ZNF507: variants seen among roughly 807,000 people sequenced by gnomAD.
ZNF507 encodes zinc finger protein 507.
A neutral mutation model predicts 80.0 loss-of-function variants in ZNF507; 29 were observed. The observed-to-expected ratio is 0.36, with a 90% CI of 0.27 to 0.49. The LOEUF is 0.49. Among genes scored for constraint, ZNF507 ranks in the 20% least tolerant of loss-of-function variants. The pLI is 0.98. For synonymous variants in ZNF507, 462 were observed against 422.5 expected (o/e 1.09, Z -1.15); for missense variants, 1,081 against 1,152.2 (o/e 0.94, Z 0.90).
intron 3 of ZNF507, among the ~76,000 whole-genome samples, chr19:32,355,551 G>A (rs1695428938): frequency 6.6e-6 from 1 of 152,170 alleles, no homozygotes; most frequent in South Asian, 2.1e-4. Flanking sequence ...TATCTTAAGT[G>A]CTGACCTTAT....
intron 5 of ZNF507, among the ~76,000 whole-genome samples, chr19:32,365,488 A>C (rs920956777): frequency 1.3e-5 from 2 of 152,144 alleles, no homozygotes; most frequent in Non-Finnish European, 2.9e-5. Flanking sequence ...TAAGTCCTTA[A>C]TCCATCTTGA....
At chr19:32,369,776 T>TA (rs1389866146) in intron 5 of ZNF507, among the ~76,000 whole-genome samples, 6 of 152,310 alleles carry the variant, frequency 3.9e-5, no homozygotes, top group African/African-American at 4.8e-5. Flanking sequence ...CAAAAGCAGT[T>TA]AAAATCTACT....
At chr19:32,382,383 TATA>T (rs1967634565) in intron 5 of ZNF507, 81 bp from the exon 6 acceptor site, 5 of 1,525,892 alleles carry the variant, frequency 3.3e-6, no homozygotes, top group East Asian at 4.5e-5. Context: ...GAGGAAGGGC[TATA>T]ATAATTGTTA....
In ZNF507 at chr19:32,386,090, CG is replaced by C. The variant is rs1481037484; in HGVS notation, c.*3010del. ...CTTTCTCTAATCATCCAGAATATGG[CG>C]GGTGTCCCAGTGTTCAACAGTATCA... On this transcript the variant is annotated 3_prime_UTR_variant, in exon 7 of 7. Coordinates refer to ENST00000355898, the MANE Select transcript of ZNF507 (RefSeq NM_001136156.2). 6.6e-6 allele frequency: 1 copy of C among 152,124 alleles called. No homozygotes were observed. The highest frequency in any genetic ancestry group is 2.4e-5 in the African/African-American group (1 of 41,430). 9.4% of individuals were successfully genotyped at this position (152,124 alleles called of 1,614,324 possible).
Position 32,386,395 on chromosome 19 carries a change from A to T in ZNF507, c.*3312A>T, listed in dbSNP as rs1364487108. The T allele has an allele frequency of 6.6e-6, 1 of 152,632 alleles. No individual in the cohort carries two copies. The highest frequency in any genetic ancestry group is 1.5e-5 in the Non-Finnish European group (1 of 68,038). The allele number at this position is 152,632 out of a possible 1,614,324, so 9.5% of individuals were successfully genotyped here. ...ATAGACACTTATTTAATCTTTTTAA[A>T]TTGTACAGCAAGGTGCTCTAAGTAA... is the stretch of plus-strand genomic sequence containing the variant. On this transcript the variant is annotated 3_prime_UTR_variant, in exon 7 of 7. Coordinates refer to ENST00000355898, the MANE Select transcript of ZNF507 (RefSeq NM_001136156.2).
At chr19:32,357,244 T>C (rs1967265410) in intron 4 of ZNF507, 1 of 151,650 alleles carries the variant, frequency 6.6e-6, no homozygotes, top group Non-Finnish European at 1.5e-5. Context: ...TATGTACTAG[T>C]TAAGTAGCAG....
At chr19:32,371,444 C>T (rs12971515) in intron 5 of ZNF507, among the ~76,000 whole-genome samples, 1 of 146,486 alleles carries the variant, frequency 6.8e-6, no homozygotes, top group African/African-American at 2.5e-5. Flanking sequence ...CACCATTGCA[C>T]TCCAGCCTGG....
chr19:32,355,628 C>T (rs1967241981), intron 3 of ZNF507, among the ~76,000 whole-genome samples: 1 of 152,168 alleles, frequency 6.6e-6, no homozygotes, highest in African/African-American at 2.4e-5. Flanking sequence ...TGGTTTAGAA[C>T]TTTTCTTCAG....
Position 32,354,945 on chromosome 19 carries a change from C to A in ZNF507, c.2115C>A (p.Ser705=). Residue 705 remains serine (S), a synonymous_variant, in exon 3 of 7, where the codon TCC becomes TCA. Transcript: ENST00000355898. ...RIYQCKQCEE[S]FHYKSQLRNH... The stretch of plus-strand genomic sequence containing the variant: ...ACCAGTGCAAGCAGTGTGAAGAATC[C>A]TTCCATTATAAGGTAAGCATTGGTT... 6.2e-7 allele frequency: 1 copy of A among 1,605,236 alleles called. No individual in the cohort carries two copies. Among genetic ancestry groups the A allele is most frequent in the Non-Finnish European group, 8.5e-7 (1 of 1,175,290 alleles).
chr19:32,350,421 A>G (rs1264107926), intron 2 of ZNF507, among the ~76,000 whole-genome samples: 1 of 152,200 alleles, frequency 6.6e-6, no homozygotes, highest in Non-Finnish European at 1.5e-5. Flanking sequence ...TCTGCTGCAA[A>G]TTTCCATTAG....
intron 2 of ZNF507, among the ~76,000 whole-genome samples, chr19:32,351,537 C>T (rs10410455): frequency 2.2e-4 from 1 of 4,580 alleles, no homozygotes; most frequent in Admixed American, 2.4e-3. Context: ...TGGGGGCGGG[C>T]GGGGCCTGGC....
intron 5 of ZNF507, among the ~76,000 whole-genome samples, chr19:32,371,479 CAAA>C (rs558295166): frequency 3.6e-5 from 4 of 112,290 alleles, no homozygotes; most frequent in African/African-American, 3.3e-5. Flanking sequence ...ACTCCCATCT[CAAA>C]AAAAAAAAAA....
chr19:32,348,596 T>G (rs1422768433), intron 2 of ZNF507, among the ~76,000 whole-genome samples: 2 of 152,352 alleles, frequency 1.3e-5, no homozygotes, highest in East Asian at 3.9e-4. Context: ...CATTTGCCTG[T>G]GGAATACTGT....
Position 32,354,526 on chromosome 19 carries a change from G to A in ZNF507, c.1696G>A (p.Ala566Thr), listed in dbSNP as rs1200010756. 1 of 1,614,208 alleles carries A rather than the reference G, an allele frequency of 6.2e-7. No homozygotes were observed. The highest frequency in any genetic ancestry group is 1.1e-5 in the South Asian group (1 of 91,086). Residue 566 changes from alanine (A) to threonine (T), a missense_variant, in exon 3 of 7, where the codon GCA (alanine) becomes ACA (threonine). Coordinates refer to ENST00000355898, the MANE Select transcript of ZNF507 (RefSeq NM_001136156.2). Reference protein sequence around the residue: ...SLNQSNSTLVALPEGRQELSD... With the variant: ...SLNQSNSTLVTLPEGRQELSD... Reference sequence around the variant, plus strand: ...TAACCAAAGCAACTCCACCTTGGTAGCACTCCCAGAGGGTAGGCAGGAATT... The same window carrying A: ...TAACCAAAGCAACTCCACCTTGGTAACACTCCCAGAGGGTAGGCAGGAATT...
chr19:32,366,118 A>C (rs898547855), intron 5 of ZNF507, among the ~76,000 whole-genome samples: 9 of 152,112 alleles, frequency 5.9e-5, no homozygotes, highest in African/African-American at 1.9e-4. Context: ...ATACTTTTGG[A>C]GGTAGCTTTT....
intron 5 of ZNF507, 105 bp from the exon 6 acceptor site, chr19:32,382,362 A>G: frequency 1.4e-6 from 2 of 1,393,108 alleles, no homozygotes; most frequent in Non-Finnish European, 2.0e-6. Context: ...GATATGTCTA[A>G]TAAGGGTTCG....
intron 5 of ZNF507, among the ~76,000 whole-genome samples, chr19:32,362,572 G>T (rs569811192): frequency 6.6e-6 from 1 of 152,180 alleles, no homozygotes. Context: ...AAAGGTTAGC[G>T]ATTCTAGTTC....
intron 5 of ZNF507, among the ~76,000 whole-genome samples, chr19:32,366,188 TCTCC>T (rs796528491): frequency 4.6e-5 from 7 of 152,092 alleles, no homozygotes; most frequent in Non-Finnish European, 1.0e-4. Context: ...TAAGTCTCTC[TCTCC>T]CTCCCTCCCT....
intron 5 of ZNF507, among the ~76,000 whole-genome samples, chr19:32,380,965 C>G (rs1967615071): frequency 6.6e-6 from 1 of 152,106 alleles, no homozygotes; most frequent in African/African-American, 2.4e-5. Flanking sequence ...ATGAATGTTC[C>G]TATCACCAAT....
Sources: gnomAD v4.1 joint callset for allele counts (sites outside exome capture counted in the v4.1 genomes callset) on GRCh38, gnomAD v4.1.1 for gene constraint, MANE v1.5 for transcripts, NCBI Gene and HGNC (gene_info 2026-07-23, HGNC 2026-07-21) for gene names.